Variants in MCTP1 observed in about 807,000 individuals in gnomAD.
MCTP1 encodes the protein multiple C2 and transmembrane domain containing 1.
MCTP1 carries 69 observed loss-of-function variants against 120.6 expected under a neutral mutation model. The ratio of observed to expected loss-of-function variants is 0.57; its 90% confidence interval spans 0.47 to 0.70. The LOEUF (loss-of-function observed/expected upper bound fraction) is 0.70. Ranked by LOEUF, MCTP1 falls within the 30% of genes least tolerant of loss-of-function variation. The pLI is 0.00. For synonymous variants in MCTP1, 529 were observed against 493.1 expected (o/e 1.07, Z -0.96); for missense variants, 1,203 against 1,248.8 (o/e 0.96, Z 0.55).
intron 17 of MCTP1, among the ~76,000 whole-genome samples, chr5:94,848,624 T>C (rs960449592): frequency 6.2e-4 from 94 of 152,200 alleles, no homozygotes; most frequent in African/African-American, 2.2e-3. Context: ...CTTATGATGA[T>C]TGAATTAATT....
rs377332386 is a variant in MCTP1, at chr5:95,088,134, A to G, written c.721-70650T>C. On this transcript the variant is annotated intron_variant, in intron 1 of 22. Transcript: ENST00000515393. ...ATATGAGTCCAGTTCTGGAGGACAG[A>G]TGTGCTCTGAAGCTGCTGACAAGTG... Among the ~76,000 whole-genome samples, 4 of 152,300 alleles carry G rather than the reference A, an allele frequency of 2.6e-5. No individual in the cohort carries two copies. The East Asian group carries it at 7.7e-4, about 29-fold the overall frequency.
intron 1 of MCTP1, among the ~76,000 whole-genome samples, chr5:95,230,223 C>CAT (rs890279263): frequency 9.0e-6 from 1 of 110,652 alleles, no homozygotes. Flanking sequence ...TATACACATA[C>CAT]ATATATGTGT....
chr5:94,746,294 A>G (rs1292278862), intron 19 of MCTP1, among the ~76,000 whole-genome samples: 2 of 152,156 alleles, frequency 1.3e-5, no homozygotes, highest in Non-Finnish European at 2.9e-5. Context: ...TGAATACTCA[A>G]ATGACTCACA....
Position 94,704,955 on chromosome 5 carries a change from T to TA in MCTP1, c.*2540dup, listed in dbSNP as rs1183720905. Reference sequence around the variant, plus strand: ...TCTTTTTGATAAGTGGGGAAAAATTTAAAAGCACAAATACGCATTTCTTAT... The same window carrying TA: ...TCTTTTTGATAAGTGGGGAAAAATTTAAAAAGCACAAATACGCATTTCTTAT... On this transcript the variant is annotated 3_prime_UTR_variant, in exon 23 of 23. Coordinates refer to ENST00000515393, the MANE Select transcript of MCTP1 (RefSeq NM_024717.7). 6.6e-6 allele frequency: 1 copy of TA among 151,244 alleles called. No individual in the cohort carries two copies. Among genetic ancestry groups the TA allele is most frequent in the Non-Finnish European group, 1.5e-5 (1 of 67,546 alleles). The allele number at this position is 151,244 out of a possible 1,614,324, so 9.4% of individuals were successfully genotyped here.
At chr5:94,962,224 A>C (rs1824436796) in intron 2 of MCTP1, among the ~76,000 whole-genome samples, 1 of 152,130 alleles carries the variant, frequency 6.6e-6, no homozygotes, top group African/African-American at 2.4e-5. Context: ...ACCACTATGG[A>C]AAATGGTGTG....
chr5:95,280,412 A>C (rs1385248331), intron 1 of MCTP1, among the ~76,000 whole-genome samples: 1 of 152,082 alleles, frequency 6.6e-6, no homozygotes, highest in Non-Finnish European at 1.5e-5. Flanking sequence ...TTTTGTTAAA[A>C]TACTAAAAAA....
chr5:95,122,965 A>G (rs1450395501), intron 1 of MCTP1, among the ~76,000 whole-genome samples: 1 of 152,218 alleles, frequency 6.6e-6, no homozygotes, highest in African/African-American at 2.4e-5. Context: ...AAGGGCGGTT[A>G]CCAGAGGCTG....
intron 1 of MCTP1, among the ~76,000 whole-genome samples, chr5:95,187,562 GCTAA>G (rs1426297323): frequency 7.9e-4 from 121 of 152,208 alleles, no homozygotes; most frequent in African/African-American, 2.8e-3. Flanking sequence ...ACCACGCCCG[GCTAA>G]TTGTTTGATA....
At chr5:95,161,229 G>A (rs1415862539) in intron 1 of MCTP1, among the ~76,000 whole-genome samples, 1 of 152,106 alleles carries the variant, frequency 6.6e-6, no homozygotes, top group Non-Finnish European at 1.5e-5. Context: ...AAGGAAATGT[G>A]GCTTATATGC....
At chr5:94,799,621 G>T (rs1032471048) in intron 17 of MCTP1, among the ~76,000 whole-genome samples, 6 of 152,020 alleles carry the variant, frequency 3.9e-5, no homozygotes, top group African/African-American at 1.4e-4. Flanking sequence ...CAGCCCCAAA[G>T]ATTTCACAAT....
chr5:95,095,181 G>A (rs1239812640), intron 1 of MCTP1, among the ~76,000 whole-genome samples: 2 of 150,452 alleles, frequency 1.3e-5, no homozygotes, highest in Non-Finnish European at 3.0e-5. Flanking sequence ...CCGCTACCAC[G>A]CCCGGCTAAT....
intron 17 of MCTP1, among the ~76,000 whole-genome samples, chr5:94,852,113 T>A (rs1793867028): frequency 6.6e-6 from 1 of 151,910 alleles, no homozygotes. Context: ...TAAAAGCAGA[T>A]TCATAGTTGA....
intron 1 of MCTP1, among the ~76,000 whole-genome samples, chr5:95,141,664 C>A (rs2152440044): frequency 6.6e-6 from 1 of 152,276 alleles, no homozygotes; most frequent in South Asian, 2.1e-4. Flanking sequence ...GATTTCATTT[C>A]TCTTTCTCCT....
chr5:94,844,474 A>C (rs983479148), intron 17 of MCTP1, among the ~76,000 whole-genome samples: 2 of 152,056 alleles, frequency 1.3e-5, no homozygotes, highest in African/African-American at 2.4e-5. Context: ...TGGACATTTC[A>C]TTTGTATTCA....
intron 17 of MCTP1, among the ~76,000 whole-genome samples, chr5:94,833,614 T>C (rs894145485): frequency 6.6e-6 from 1 of 152,212 alleles, no homozygotes; most frequent in Non-Finnish European, 1.5e-5. Flanking sequence ...AATATATGCA[T>C]GTTCCTAAAT....
intron 5 of MCTP1, 148 bp downstream of exon 5, chr5:94,939,936 G>A (rs2153501764): frequency 2.2e-6 from 1 of 460,614 alleles, no homozygotes; most frequent in South Asian, 6.5e-5. Context: ...CAGTAAGCAT[G>A]AATGAGCAAT....
At chr5:94,717,070 T>TA (rs774924468) in intron 19 of MCTP1, among the ~76,000 whole-genome samples, 108 of 152,282 alleles carry the variant, frequency 7.1e-4, no homozygotes, top group Non-Finnish European at 1.3e-3. Flanking sequence ...CTACCTAAAA[T>TA]AGACATTCAC....
At chr5:94,782,008 C>T (rs914579052) in intron 18 of MCTP1, among the ~76,000 whole-genome samples, 1 of 152,026 alleles carries the variant, frequency 6.6e-6, no homozygotes, top group East Asian at 1.9e-4. Flanking sequence ...CCTATCGATG[C>T]CTTTAAGCTG....
At chr5:95,217,389 G>C (rs1753152940) in intron 1 of MCTP1, among the ~76,000 whole-genome samples, 1 of 152,162 alleles carries the variant, frequency 6.6e-6, no homozygotes, top group Admixed American at 6.5e-5. Flanking sequence ...TATATAATTT[G>C]ACAAAAGTTC....
Sources: allele counts gnomAD v4.1 joint callset (sites outside exome capture counted in the v4.1 genomes callset), GRCh38; gene constraint gnomAD v4.1.1; transcripts MANE v1.5; gene names NCBI Gene and HGNC (gene_info 2026-07-23, HGNC 2026-07-21).